The following CACNA2D3 variants were observed in gnomAD, a reference collection of about 807,000 sequenced individuals.
CACNA2D3 encodes the protein calcium voltage-gated channel auxiliary subunit alpha2delta 3, also known as voltage-dependent calcium channel subunit alpha-2/delta-3.
In CACNA2D3, 60 loss-of-function variants were observed where a neutral mutation model predicts 160.6. The ratio of observed to expected loss-of-function variants is 0.37; its 90% CI spans 0.30 to 0.46. CACNA2D3 has a LOEUF of 0.46. CACNA2D3 is among the 20% of genes least tolerant of loss of function. The pLI is 1.00. For missense variants in CACNA2D3, 1,205 were observed against 1,365.0 expected (o/e 0.88, Z 1.85); for synonymous variants, 558 against 492.9 (o/e 1.13, Z -1.75).
chr3:54,492,867 G>A (rs1559496928), intron 4 of CACNA2D3, among the ~76,000 whole-genome samples: 1 of 152,112 alleles, frequency 6.6e-6, no homozygotes, highest in Non-Finnish European at 1.5e-5. Flanking sequence ...CTCTGGACAT[G>A]CTGCATCTGG....
intron 4 of CACNA2D3, among the ~76,000 whole-genome samples, chr3:54,417,799 G>C (rs377583778): frequency 8.9e-6 from 1 of 112,610 alleles, no homozygotes; most frequent in Admixed American, 9.4e-5. Flanking sequence ...TGTGTGTGGG[G>C]GGGGGGGTGG....
intron 12 of CACNA2D3, among the ~76,000 whole-genome samples, chr3:54,757,312 C>G (rs1046261019): frequency 6.6e-6 from 1 of 152,138 alleles, no homozygotes; most frequent in African/African-American, 2.4e-5. Context: ...TAGCTTACCC[C>G]TTTTCCATGG....
chr3:54,169,704 T>C (rs1177307361), intron 2 of CACNA2D3, among the ~76,000 whole-genome samples: 4 of 150,970 alleles, frequency 2.6e-5, no homozygotes, highest in Non-Finnish European at 5.9e-5. Context: ...CATGTGTGTG[T>C]GCAAGTGTGC....
At chr3:54,298,527 A>G (rs1703390378) in intron 2 of CACNA2D3, among the ~76,000 whole-genome samples, 1 of 152,202 alleles carries the variant, frequency 6.6e-6, no homozygotes, top group Non-Finnish European at 1.5e-5. Flanking sequence ...GGCCGGGCGC[A>G]GTGGCTCATG....
intron 13 of CACNA2D3, among the ~76,000 whole-genome samples, chr3:54,774,629 A>ATTTTTTTT (rs111655457): frequency 8.3e-5 from 9 of 107,914 alleles, no homozygotes; most frequent in African/African-American, 1.1e-4. Flanking sequence ...CTCTTTGACT[A>ATTTTTTTT]TTTTTTTTTT....
intron 9 of CACNA2D3, among the ~76,000 whole-genome samples, chr3:54,596,502 C>T (rs752704734): frequency 6.6e-6 from 1 of 152,140 alleles, no homozygotes; most frequent in African/African-American, 2.4e-5. Flanking sequence ...TGTATGGGCT[C>T]TCACGGACTA....
intron 13 of CACNA2D3, among the ~76,000 whole-genome samples, chr3:54,813,263 A>G (rs1703366941): frequency 6.6e-6 from 1 of 152,152 alleles, no homozygotes; most frequent in Admixed American, 6.5e-5. Flanking sequence ...GTAAATGAGG[A>G]AATAGACCCA....
chr3:54,750,129 G>A (rs546115322), intron 11 of CACNA2D3, among the ~76,000 whole-genome samples: 2 of 152,318 alleles, frequency 1.3e-5, no homozygotes, highest in South Asian at 2.1e-4. Flanking sequence ...AGTTTTGCTG[G>A]TGATTCACAG....
At chr3:54,867,145 C>T (rs1699420740) in intron 17 of CACNA2D3, among the ~76,000 whole-genome samples, 1 of 152,192 alleles carries the variant, frequency 6.6e-6, no homozygotes. Context: ...ACCAACTCCT[C>T]ACGCAGAAGA....
intron 11 of CACNA2D3, among the ~76,000 whole-genome samples, chr3:54,645,382 T>C (rs2106852324): frequency 6.6e-6 from 1 of 152,308 alleles, no homozygotes; most frequent in East Asian, 1.9e-4. Flanking sequence ...AACCATATCG[T>C]TATTCTATAA....
At chr3:54,823,729 C>T (rs1473813817) in intron 14 of CACNA2D3, among the ~76,000 whole-genome samples, 4 of 152,068 alleles carry the variant, frequency 2.6e-5, no homozygotes, top group Non-Finnish European at 5.9e-5. Flanking sequence ...GTACATTATG[C>T]TCCTGTTGTG....
At chr3:54,160,160 C>T (rs771998719) in intron 2 of CACNA2D3, among the ~76,000 whole-genome samples, 9 of 152,170 alleles carry the variant, frequency 5.9e-5, no homozygotes, top group Non-Finnish European at 1.2e-4. Flanking sequence ...ATTTTGGGAA[C>T]TTTTAAGAAT....
At chr3:54,697,338 CCA>C (rs1700683038) in intron 11 of CACNA2D3, among the ~76,000 whole-genome samples, 1 of 152,130 alleles carries the variant, frequency 6.6e-6, no homozygotes, top group Non-Finnish European at 1.5e-5. Context: ...AACTCTGGGT[CCA>C]GAGTCAGACT....
At chr3:55,073,335 A>G (rs1359590497) in intron 35 of CACNA2D3, 110 bp from the exon 36 acceptor site, 1 of 608,656 alleles carries the variant, frequency 1.6e-6, no homozygotes, top group Non-Finnish European at 2.9e-6. Flanking sequence ...AGTCTCCAAA[A>G]TTTGCTTTAC....
At chr3:54,756,412 G>A (rs1701972457) in intron 12 of CACNA2D3, among the ~76,000 whole-genome samples, 1 of 152,192 alleles carries the variant, frequency 6.6e-6, no homozygotes, top group African/African-American at 2.4e-5. Flanking sequence ...TAACATCGGT[G>A]AGCAAGTATT....
chr3:54,429,036 T>C (rs1003364988), intron 4 of CACNA2D3, among the ~76,000 whole-genome samples: 2 of 152,194 alleles, frequency 1.3e-5, no homozygotes, highest in African/African-American at 4.8e-5. Flanking sequence ...GCTGGTGGGA[T>C]GTACCTGGAG....
At chr3:54,236,701 A>G (rs570126088) in intron 2 of CACNA2D3, among the ~76,000 whole-genome samples, 67 of 152,268 alleles carry the variant, frequency 4.4e-4, no homozygotes, top group African/African-American at 1.4e-3. Context: ...GCTCGTTTGA[A>G]ATACCATTGT....
At chr3:54,873,209 C>G (rs1253856660) in intron 18 of CACNA2D3, among the ~76,000 whole-genome samples, 1 of 152,038 alleles carries the variant, frequency 6.6e-6, no homozygotes, top group African/African-American at 2.4e-5. Flanking sequence ...TTGCACTGTT[C>G]TGGGGAGTAA....
intron 3 of CACNA2D3, among the ~76,000 whole-genome samples, chr3:54,383,808 G>A (rs958504900): frequency 2.0e-5 from 3 of 152,154 alleles, no homozygotes; most frequent in African/African-American, 7.2e-5. Context: ...CAGTGTTCTG[G>A]CTGCTCTTAG....
Sources: allele counts gnomAD v4.1 joint callset (sites outside exome capture counted in the v4.1 genomes callset), GRCh38; gene constraint gnomAD v4.1.1; transcripts MANE v1.5; gene names NCBI Gene and HGNC (gene_info 2026-07-23, HGNC 2026-07-21).